C10orf105: variants seen among roughly 807,000 people sequenced by gnomAD.
C10orf105 encodes the protein uncharacterized protein C10orf105.
Under a neutral mutation model 0.6 loss-of-function variants are expected in C10orf105, and 2 were observed. The ratio of observed to expected loss-of-function variants is 3.18; its 90% confidence interval spans 1.30 to 10.01. C10orf105 has a LOEUF of 10.01. Ranked by LOEUF, C10orf105 falls within the 30% of genes most tolerant of loss-of-function variation. The pLI, the probability that C10orf105 is intolerant of heterozygous loss-of-function variation, is 0.04. For missense variants in C10orf105, 209 were observed against 191.4 expected, an observed-to-expected ratio of 1.09 and a Z score of -0.54; for synonymous variants, 95 against 82.4, an observed-to-expected ratio of 1.15 and a Z score of -0.83.
chr10:71,727,344 T>C (rs1379235546), intron 1 of C10orf105, among the ~76,000 whole-genome samples: 3 of 152,200 alleles, frequency 2.0e-5, no homozygotes, highest in Non-Finnish European at 2.9e-5. Flanking sequence ...CAGAAACCAC[T>C]GCCTCATCCC....
chr10:71,723,905 C>T, upstream of C10orf105: 1 of 919,410 alleles, frequency 1.1e-6, no homozygotes, highest in Non-Finnish European at 1.7e-6. Flanking sequence ...TTGTCTCCCA[C>T]ACCCCCAGCC....
At position 71,715,927 on chromosome 10, in the gene C10orf105, G is replaced by T; in HGVS notation, c.*9C>A. ...AGGGGGATGTGGGGGCATGTTTGTG[G>T]ACACCCCATTACATCTTGGTAGATT... On this transcript the variant is annotated 3_prime_UTR_variant, in exon 2 of 2. Coordinates refer to ENST00000441508, the MANE Select transcript of C10orf105 (RefSeq NM_001164375.3). 1 of 1,450,592 alleles carries T rather than the reference G, an allele frequency of 6.9e-7. No homozygotes were observed. Among genetic ancestry groups the T allele is most frequent in the South Asian group, 1.5e-5 (1 of 67,938 alleles). 89.9% of individuals were successfully genotyped at this position (1,450,592 alleles called of 1,614,324 possible).
In C10orf105 at chr10:71,737,625, G is replaced by A. The variant is rs556446568; in HGVS notation, c.-6+103C>T. The A allele has an allele frequency of 8.7e-6, 4 of 460,538 alleles. No homozygotes were observed. In the Admixed American group the frequency reaches 9.4e-5, roughly 11 times the overall value. 28.5% of individuals were successfully genotyped at this position (460,538 alleles called of 1,614,324 possible). On this transcript the variant is annotated intron_variant, in intron 1 of 1. Coordinates refer to the C10orf105 transcript ENST00000398786. ...CACATGCAGGGAAGCAGAGAATGGGGTCTGGCCTGGGGCAGGGCAGTGGGA... is the reference window on the plus strand; with the variant it reads ...CACATGCAGGGAAGCAGAGAATGGGATCTGGCCTGGGGCAGGGCAGTGGGA...
chr10:71,716,453 TG>T, intron 1 of C10orf105, 111 bp from the exon 2 acceptor site: 4 of 821,676 alleles, frequency 4.9e-6, no homozygotes, highest in Non-Finnish European at 5.6e-6. Flanking sequence ...ACTGTTAAAC[TG>T]GACAGCATCA....
chr10:71,730,472 A>T, intron 1 of C10orf105: 1 of 1,613,630 alleles, frequency 6.2e-7, no homozygotes, highest in South Asian at 1.1e-5. Flanking sequence ...CCCACAGGTG[A>T]TTGTGTACGT....
rs1416386069 is a variant in C10orf105, at chr10:71,734,238, A to T, written c.-6+3490T>A. The T allele has an allele frequency of 2.5e-6, 4 of 1,607,006 alleles. No homozygotes were observed. The highest frequency in any genetic ancestry group is 3.4e-6 in the Non-Finnish European group (4 of 1,176,846). ...CTCACCCATCTGGCCCCTTCCCTGC[A>T]GGGTGTGATCACAGTCCAGGGCCTG... is the stretch of plus-strand genomic sequence containing the variant. On this transcript the variant is annotated intron_variant, in intron 1 of 1. Coordinates refer to the C10orf105 transcript ENST00000398786.
chr10:71,721,867 C>A (rs548192587), upstream of C10orf105, among the ~76,000 whole-genome samples: 1 of 152,276 alleles, frequency 6.6e-6, no homozygotes, highest in Non-Finnish European at 1.5e-5. Flanking sequence ...GACTGGGGTC[C>A]TAGTTCCTTC....
chr10:71,719,181 C>A (rs1866433915), intron 1 of C10orf105, among the ~76,000 whole-genome samples: 2 of 152,176 alleles, frequency 1.3e-5, no homozygotes, highest in Admixed American at 1.3e-4. Context: ...AACACAACAC[C>A]CTTCCTGGAG....
intron 1 of C10orf105, among the ~76,000 whole-genome samples, chr10:71,718,440 C>T (rs746573917): frequency 6.6e-6 from 1 of 152,220 alleles, no homozygotes; most frequent in Non-Finnish European, 1.5e-5. Flanking sequence ...GTGTGATGCC[C>T]GTCTAGCTGC....
At chr10:71,736,680 T>C (rs901137659) in intron 1 of C10orf105, among the ~76,000 whole-genome samples, 2 of 152,140 alleles carry the variant, frequency 1.3e-5, no homozygotes, top group Non-Finnish European at 2.9e-5. Flanking sequence ...CCTTGCAGCC[T>C]CACCAAGATC....
chr10:71,731,946 A>G (rs772297812), intron 1 of C10orf105: 1 of 1,589,878 alleles, frequency 6.3e-7, no homozygotes, highest in Non-Finnish European at 8.6e-7. Flanking sequence ...AGCCCCACTC[A>G]GTTCTATCTG....
upstream of C10orf105, among the ~76,000 whole-genome samples, chr10:71,724,548 CA>C (rs1184908550): frequency 1.1e-4 from 16 of 152,336 alleles, no homozygotes; most frequent in Admixed American, 9.8e-4. Context: ...GTGATCCACC[CA>C]TCTCAGCCTT....
rs543344144 is a variant in C10orf105 at position 71,725,561 on chromosome 10, G to A, written c.-5-9219C>T. Reference sequence around the variant, plus strand: ...GGCTGGGGTGCTGACCTCAGGACGGGGCCAAGCCCACAGCTAGAACAGAGA... The same window carrying A: ...GGCTGGGGTGCTGACCTCAGGACGGAGCCAAGCCCACAGCTAGAACAGAGA... On this transcript the variant is annotated intron_variant, in intron 1 of 1. Coordinates refer to the C10orf105 transcript ENST00000398786. The A allele has an allele frequency of 1.4e-5, 23 of 1,594,020 alleles. No homozygotes were observed. The Admixed American group carries it at 2.4e-4, about 17-fold the overall frequency.
chr10:71,736,632 C>T (rs1839573632), intron 1 of C10orf105, among the ~76,000 whole-genome samples: 1 of 152,172 alleles, frequency 6.6e-6, no homozygotes, highest in Non-Finnish European at 1.5e-5. Flanking sequence ...AGGCCAACCC[C>T]CTTCCACTGG....
At position 71,711,772 on chromosome 10, in the gene C10orf105, C is replaced by G. The variant is rs935245130; in HGVS notation, c.*4164G>C. On this transcript the variant is annotated 3_prime_UTR_variant, in exon 2 of 2. Transcript: ENST00000441508. ...AATTTCTCATGAGAAATCAGAAGAT[C>G]TGGTGTCTCTGGGCCCACATTCTGC... is the stretch of plus-strand genomic sequence containing the variant. 1 of 152,152 alleles carries G rather than the reference C, an allele frequency of 6.6e-6. No individual in the cohort carries two copies. The highest frequency in any genetic ancestry group is 2.4e-5 in the African/African-American group (1 of 41,406). 9.4% of individuals were successfully genotyped at this position (152,152 alleles called of 1,614,324 possible). A position where few individuals can be genotyped will look rare whatever the true frequency, so the allele number is the denominator to read the frequency against.
At chr10:71,720,573 A>G (rs1008800953), upstream of C10orf105, among the ~76,000 whole-genome samples, 14 of 152,070 alleles carry the variant, frequency 9.2e-5, no homozygotes, top group Non-Finnish European at 1.6e-4. Flanking sequence ...CAGAAATGCA[A>G]CTCAAGACAG....
At chr10:71,736,097 C>T (rs1481933131) in intron 1 of C10orf105, among the ~76,000 whole-genome samples, 2 of 152,244 alleles carry the variant, frequency 1.3e-5, no homozygotes, top group African/African-American at 2.4e-5. Flanking sequence ...GGTCCCCCTG[C>T]GTGGACTGCC....
At chr10:71,731,878 C>T in intron 1 of C10orf105, 1 of 1,197,382 alleles carries the variant, frequency 8.4e-7, no homozygotes, top group East Asian at 2.5e-5. Flanking sequence ...GTGGGGCAGC[C>T]CATGCTGGGT....
chr10:71,713,111 C>T lies in C10orf105; in HGVS notation c.*2825G>A, dbSNP rs2394838. On this transcript the variant is annotated 3_prime_UTR_variant, in exon 2 of 2. Coordinates refer to ENST00000441508, the MANE Select transcript of C10orf105 (RefSeq NM_001164375.3). ...CACCCAGAAGGGCCTTTCAGAGTAG[C>T]GGGGAGAAAGAGACGTCACAATTTC... 9 of 771,802 alleles carry T rather than the reference C, an allele frequency of 1.2e-5. No individual in the cohort carries two copies. The East Asian group carries it at 1.7e-4, about 15-fold the overall frequency. The allele number at this position is 771,802 out of a possible 1,614,324, so 47.8% of individuals were successfully genotyped here.
Sources: gnomAD v4.1 joint callset for allele counts (sites outside exome capture counted in the v4.1 genomes callset) on GRCh38, gnomAD v4.1.1 for gene constraint, MANE v1.5 for transcripts, NCBI Gene and HGNC (gene_info 2026-07-23, HGNC 2026-07-21) for gene names.